The following EHBP1 variants were observed in gnomAD, a reference collection of about 807,000 sequenced individuals.
The protein encoded by EHBP1 is EH domain-binding protein 1.
A neutral mutation model predicts 144.0 loss-of-function variants in EHBP1; 55 were observed. The ratio of observed to expected loss-of-function variants is 0.38; its 90% CI spans 0.31 to 0.48. EHBP1 has a LOEUF of 0.48. EHBP1 is among the 20% of genes least tolerant of loss of function. The pLI is 0.98. For synonymous variants in EHBP1, 469 were observed against 472.7 expected (o/e 0.99, Z 0.10); for missense variants, 1,200 against 1,364.2 (o/e 0.88, Z 1.90).
chr2:62,942,264 CTAA>C (rs1039830220), intron 10 of EHBP1, among the ~76,000 whole-genome samples: 36 of 152,112 alleles, frequency 2.4e-4, no homozygotes, highest in African/African-American at 8.7e-4. Context: ...ATTTTTAAAA[CTAA>C]TGATAATTTT....
intron 10 of EHBP1, among the ~76,000 whole-genome samples, chr2:62,882,437 T>G (rs2051525517): frequency 6.6e-6 from 1 of 152,354 alleles, no homozygotes; most frequent in Non-Finnish European, 1.5e-5. Context: ...CAAGAAACTT[T>G]AGGTCCCTTA....
intron 10 of EHBP1, among the ~76,000 whole-genome samples, chr2:62,940,645 A>G (rs1025480179): frequency 2.0e-5 from 3 of 151,802 alleles, no homozygotes; most frequent in Non-Finnish European, 4.4e-5. Context: ...TCAGTTCTGG[A>G]GTAGATGATT....
chr2:62,863,865 T>TTTG (rs1420527894), intron 8 of EHBP1, among the ~76,000 whole-genome samples: 2 of 144,884 alleles, frequency 1.4e-5, no homozygotes, highest in Admixed American at 6.9e-5. Flanking sequence ...TTTTTTTTTT[T>TTTG]AAACAGAGTC....
intron 18 of EHBP1, among the ~76,000 whole-genome samples, chr2:62,994,912 C>G (rs2059569713): frequency 6.6e-6 from 1 of 152,140 alleles, no homozygotes; most frequent in African/African-American, 2.4e-5. Flanking sequence ...TGTACTCACA[C>G]TACAGAAATC....
In EHBP1 at chr2:62,804,239, A is replaced by G. The variant is rs1241570922; in HGVS notation, c.313-21848A>G. On this transcript the variant is annotated intron_variant, in intron 5 of 22. Transcript: ENST00000431489. Reference sequence around the variant, plus strand: ...TGTGGAATCAGAGACAGTGCTGCAAAGAGCTTTGCTATGTTAAAGAGTTTG... The same window carrying G: ...TGTGGAATCAGAGACAGTGCTGCAAGGAGCTTTGCTATGTTAAAGAGTTTG... Among the ~76,000 whole-genome samples the G allele has an allele frequency of 2.0e-5, 3 of 152,212 alleles. No homozygotes were observed. The East Asian group carries it at 5.8e-4, about 29-fold the overall frequency.
chr2:63,024,713 T>A (rs1386104777), intron 19 of EHBP1, among the ~76,000 whole-genome samples: 1 of 152,148 alleles, frequency 6.6e-6, no homozygotes, highest in Non-Finnish European at 1.5e-5. Context: ...ACATTGCTAT[T>A]CAAAAGTAGA....
chr2:62,693,166 T>C (rs1446958182), intron 1 of EHBP1, among the ~76,000 whole-genome samples: 1 of 152,200 alleles, frequency 6.6e-6, no homozygotes, highest in Non-Finnish European at 1.5e-5. Context: ...TCCAGTACCA[T>C]CTATGCTGTT....
chr2:62,747,250 TCTA>T, intron 2 of EHBP1, 142 bp from the exon 3 acceptor site: 2 of 591,060 alleles, frequency 3.4e-6, no homozygotes, highest in South Asian at 5.4e-5. Flanking sequence ...GTAGTTAACA[TCTA>T]CTATATTTGA....
At chr2:62,707,391 A>G in intron 2 of EHBP1, 96 bp downstream of exon 2, 2 of 861,104 alleles carry the variant, frequency 2.3e-6, no homozygotes, top group South Asian at 2.9e-5. Context: ...ACCTTTCTAT[A>G]GTGCACTAGT....
chr2:62,980,365 A>G (rs1017039230), intron 15 of EHBP1, among the ~76,000 whole-genome samples: 3 of 152,146 alleles, frequency 2.0e-5, no homozygotes, highest in Non-Finnish European at 4.4e-5. Flanking sequence ...GGCCGAACTC[A>G]GGAGGTAATG....
At chr2:62,836,426 G>A (rs1210809980) in intron 7 of EHBP1, among the ~76,000 whole-genome samples, 2 of 138,742 alleles carry the variant, frequency 1.4e-5, no homozygotes, top group African/African-American at 5.4e-5. Context: ...ACTCTAAAAC[G>A]CAGAGCGTCT....
At chr2:63,008,982 T>A (rs986144192) in intron 19 of EHBP1, among the ~76,000 whole-genome samples, 2 of 151,702 alleles carry the variant, frequency 1.3e-5, no homozygotes, top group African/African-American at 4.8e-5. Flanking sequence ...GTCATTTAAT[T>A]GGCCTATTGA....
upstream of EHBP1, among the ~76,000 whole-genome samples, chr2:62,702,639 C>CAG (rs2034312307): frequency 6.6e-6 from 1 of 152,088 alleles, no homozygotes; most frequent in Non-Finnish European, 1.5e-5. Flanking sequence ...GTCTTGGTAC[C>CAG]AATTGAATTA....
intron 5 of EHBP1, among the ~76,000 whole-genome samples, chr2:62,800,202 T>G (rs17432497): frequency 0.14 from 20,769 of 152,170 alleles, 1,728 homozygotes; most frequent in Admixed American, 0.19. Flanking sequence ...ATGTGATGTG[T>G]TAACCCTAAA....
chr2:62,688,597 C>G (rs2033797998), intron 1 of EHBP1, among the ~76,000 whole-genome samples: 1 of 152,062 alleles, frequency 6.6e-6, no homozygotes, highest in African/African-American at 2.4e-5. Context: ...ATGTTGTATC[C>G]TTTAATAAAT....
chr2:62,849,000 T>G (rs1345050616), intron 7 of EHBP1, among the ~76,000 whole-genome samples: 1 of 152,220 alleles, frequency 6.6e-6, no homozygotes, highest in Non-Finnish European at 1.5e-5. Context: ...TTTATTGATC[T>G]ACTGTGTGGT....
At chr2:62,860,396 C>T (rs746323280) in intron 8 of EHBP1, among the ~76,000 whole-genome samples, 1 of 152,050 alleles carries the variant, frequency 6.6e-6, no homozygotes. Flanking sequence ...GAGGCTGAGG[C>T]AGGAGAATTG....
chr2:62,935,344 A>AATAT (rs57574909), intron 10 of EHBP1, among the ~76,000 whole-genome samples: 10,403 of 120,992 alleles, frequency 0.086, 639 homozygotes, highest in Non-Finnish European at 0.12. Context: ...AAAAAAAAAA[A>AATAT]ATATATATAT....
intron 1 of EHBP1, among the ~76,000 whole-genome samples, chr2:62,697,371 T>TGCACAAG (rs1459405177): frequency 1.3e-5 from 2 of 152,238 alleles, no homozygotes; most frequent in Admixed American, 1.3e-4. Context: ...TATGTGACTT[T>TGCACAAG]GCACAAGCAG....
Sources: gnomAD v4.1 joint callset for allele counts (sites outside exome capture counted in the v4.1 genomes callset) on GRCh38, gnomAD v4.1.1 for gene constraint, MANE v1.5 for transcripts, NCBI Gene and HGNC (gene_info 2026-07-23, HGNC 2026-07-21) for gene names.